The following STOX1 variants were observed in gnomAD, a reference collection of about 807,000 sequenced individuals.
STOX1 encodes the protein storkhead-box protein 1.
Under a neutral mutation model 74.8 loss-of-function variants are expected in STOX1, and 57 were observed. That is an observed-to-expected ratio of 0.76 (90% CI 0.62 to 0.95). The LOEUF (loss-of-function observed/expected upper bound fraction) is 0.95. STOX1 is among the 40% of genes least tolerant of loss of function. STOX1 has a pLI of 0.00. For missense variants in STOX1, 1,010 were observed against 1,117.0 expected, an observed-to-expected ratio of 0.90 and a Z score of 1.37; for synonymous variants, 375 against 401.3, an observed-to-expected ratio of 0.93 and a Z score of 0.78.
chr10:68,886,659 T>G, intron 3 of STOX1, 41 bp downstream of exon 3: 1 of 1,585,344 alleles, frequency 6.3e-7, no homozygotes, highest in South Asian at 1.1e-5. Context: ...CCGGGCGCAG[T>G]GGCTCATGCC....
chr10:68,847,257 A>C (rs1413410762), intron 1 of STOX1, among the ~76,000 whole-genome samples: 1 of 152,178 alleles, frequency 6.6e-6, no homozygotes, highest in Non-Finnish European at 1.5e-5. Flanking sequence ...GTATCAACTG[A>C]GGGGAAAAAA....
intron 1 of STOX1, among the ~76,000 whole-genome samples, chr10:68,833,882 T>C (rs1430406795): frequency 2.0e-5 from 3 of 152,262 alleles, no homozygotes; most frequent in African/African-American, 7.2e-5. Flanking sequence ...TTAATGCATC[T>C]TTCATTCAGA....
chr10:68,879,995 T>G (rs1410301057), intron 1 of STOX1, among the ~76,000 whole-genome samples: 1 of 152,108 alleles, frequency 6.6e-6, no homozygotes, highest in Non-Finnish European at 1.5e-5. Flanking sequence ...ACTGGGACCA[T>G]TGTTCATCCT....
At chr10:68,857,342 A>G (rs1840152964) in intron 1 of STOX1, among the ~76,000 whole-genome samples, 1 of 152,018 alleles carries the variant, frequency 6.6e-6, no homozygotes, top group Non-Finnish European at 1.5e-5. Flanking sequence ...CCCTCCTGAA[A>G]GGAGGGAGGA....
chr10:68,870,550 G>A (rs969085510), intron 1 of STOX1, among the ~76,000 whole-genome samples: 1 of 152,182 alleles, frequency 6.6e-6, no homozygotes, highest in Non-Finnish European at 1.5e-5. Context: ...GACTTTTCAG[G>A]TGTAATTAGG....
In STOX1 at chr10:68,880,292, C is replaced by T. The variant is rs574579450; in HGVS notation, c.311-1666C>T. On this transcript the variant is annotated intron_variant, in intron 1 of 3. Transcript: ENST00000298596. ...CTAACTCCTGGGCTCAAGTAATCCT[C>T]GCACCTTAGCCCCCTAGCAGCTACG... 4.0e-5 allele frequency among the ~76,000 whole-genome samples: 6 copies of T among 151,828 alleles called. No individual in the cohort carries two copies. In the East Asian group the frequency reaches 9.7e-4, roughly 25 times the overall value.
At chr10:68,845,419 G>A (rs1380701642) in intron 1 of STOX1, among the ~76,000 whole-genome samples, 1 of 150,962 alleles carries the variant, frequency 6.6e-6, no homozygotes. Flanking sequence ...GACTACAGGC[G>A]CCTGCCACCA....
At chr10:68,830,799 G>C (rs961708014) in intron 1 of STOX1, among the ~76,000 whole-genome samples, 2 of 152,156 alleles carry the variant, frequency 1.3e-5, no homozygotes, top group African/African-American at 4.8e-5. Context: ...GCAAAATGGA[G>C]AAAGATCTTA....
chr10:68,888,802 A>ATTTTTTTTTTTTTT (rs35174437), intron 3 of STOX1, among the ~76,000 whole-genome samples: 1 of 32,044 alleles, frequency 3.1e-5, no homozygotes, highest in Non-Finnish European at 5.2e-5. Context: ...TGCCCAGCTA[A>ATTTTTTTTTTTTTT]TTTTTTTTTT....
chr10:68,894,065 C>CTT (rs757109078), downstream of STOX1, among the ~76,000 whole-genome samples: 66 of 143,304 alleles, frequency 4.6e-4, no homozygotes, highest in Middle Eastern at 7.0e-3. Flanking sequence ...CTTTTCTTTT[C>CTT]TTTTTTTTTT....
intron 1 of STOX1, among the ~76,000 whole-genome samples, chr10:68,832,193 G>A (rs1839429640): frequency 6.6e-6 from 1 of 152,180 alleles, no homozygotes; most frequent in Non-Finnish European, 1.5e-5. Context: ...GCAGGGAGGT[G>A]GGGCACCTGT....
rs760587176 is a variant in STOX1, at chr10:68,882,017, G to A, written c.370G>A (p.Glu124Lys). Residue 124 changes from glutamate (E) to lysine (K), a missense_variant, in exon 2 of 4, where the codon GAA (glutamate) becomes AAA (lysine). Physicochemically the swap from Glu to Lys is moderately conservative, Grantham distance 56. Coordinates refer to ENST00000298596, the MANE Select transcript of STOX1 (RefSeq NM_152709.5). ...TCAATCTCAGTTCGTACCTTTGGGT[G>A]AAGTTCTTTGCTGTGCTATATCTGA... Reference protein sequence around the residue: ...ITQSQFVPLGEVLCCAISDMN... With the variant: ...ITQSQFVPLGKVLCCAISDMN... 11 of 1,613,910 alleles carry A rather than the reference G, an allele frequency of 6.8e-6. No individual in the cohort carries two copies. The highest frequency in any genetic ancestry group is 9.3e-6 in the Non-Finnish European group (11 of 1,179,926).
chr10:68,878,737 C>T (rs1228751923), intron 1 of STOX1, among the ~76,000 whole-genome samples: 1 of 152,196 alleles, frequency 6.6e-6, no homozygotes, highest in Non-Finnish European at 1.5e-5. Flanking sequence ...TGGCCACTTA[C>T]CAGCTCTGGG....
rs532736996 is a variant in STOX1 at position 68,863,535 on chromosome 10, G to A, written c.311-18423G>A. Among the ~76,000 whole-genome samples the A allele has an allele frequency of 5.9e-5, 9 of 152,240 alleles. No homozygotes were observed. In the South Asian group the frequency reaches 1.7e-3, roughly 28 times the overall value. On this transcript the variant is annotated intron_variant, in intron 1 of 3. Transcript: ENST00000298596. ...GCTGTATCTGTGTTTGACACCAGAG[G>A]CATTAACATGGGTTAAATTGTGAAA...
At chr10:68,860,444 C>A (rs1019281097) in intron 1 of STOX1, among the ~76,000 whole-genome samples, 1 of 151,476 alleles carries the variant, frequency 6.6e-6, no homozygotes, top group Non-Finnish European at 1.5e-5. Flanking sequence ...ATGGCAGGAG[C>A]CTGTAATCCC....
At chr10:68,828,917 A>G in intron 1 of STOX1, 24 of 978,516 alleles carry the variant, frequency 2.5e-5, no homozygotes, top group Non-Finnish European at 2.9e-5. Context: ...GCCTTTTTTC[A>G]TAAAATAGCT....
chr10:68,885,072 G>A lies in STOX1; in HGVS notation c.1276G>A (p.Gly426Ser), dbSNP rs1229289641. ...TCTGTCTGCAAAACCTCAAGGGCAG[G>A]GCCATTCTCGAAGGGATAGACACAA... ...QGLSAKPQGQ[G>S]HSRRDRHKAR... Residue 426 changes from glycine to serine, a missense_variant, in exon 3 of 4, where the codon GGC becomes AGC. Transcript: ENST00000298596. 6.2e-7 allele frequency: 1 copy of A among 1,613,900 alleles called. No homozygotes were observed. Among genetic ancestry groups the A allele is most frequent in the African/African-American group, 1.3e-5 (1 of 74,900 alleles).
chr10:68,852,026 T>C lies in STOX1; in HGVS notation c.310+24093T>C, dbSNP rs192773748. Among the ~76,000 whole-genome samples, 726 of 152,010 alleles carry C rather than the reference T, an allele frequency of 4.8e-3. 12 individuals are homozygous for C. The highest frequency in any genetic ancestry group is 0.017 in the African/African-American group (697 of 41,492). Reference sequence around the variant, plus strand: ...GTGAATGCCTGTAATGCCAGCTACTTGGGAGGCTGAGGTAGCAGAAACGCT... The same window carrying C: ...GTGAATGCCTGTAATGCCAGCTACTCGGGAGGCTGAGGTAGCAGAAACGCT... On this transcript the variant is annotated intron_variant, in intron 1 of 3. Coordinates refer to ENST00000298596, the MANE Select transcript of STOX1 (RefSeq NM_152709.5).
At chr10:68,895,317 C>T (rs1032229966), downstream of STOX1, 5 of 152,088 alleles carry the variant, frequency 3.3e-5, no homozygotes, top group African/African-American at 1.2e-4. Context: ...TGACACTCTC[C>T]CTGTTTTAAA....
Sources: gnomAD v4.1 joint callset for allele counts (sites outside exome capture counted in the v4.1 genomes callset) on GRCh38, gnomAD v4.1.1 for gene constraint, MANE v1.5 for transcripts, NCBI Gene and HGNC (gene_info 2026-07-23, HGNC 2026-07-21) for gene names.